NUGGC: variants seen among roughly 807,000 people sequenced by gnomAD.
NUGGC encodes the protein nuclear GTPase SLIP-GC.
In NUGGC, 58 loss-of-function variants were observed where a neutral mutation model predicts 92.6. That is an observed-to-expected ratio of 0.63 (90% CI 0.51 to 0.78). The LOEUF (loss-of-function observed/expected upper bound fraction) is 0.78, where lower values mean the gene tolerates loss of function less well. NUGGC is among the 30% of genes least tolerant of loss of function. The probability of loss-of-function intolerance (pLI) is 0.00; values close to 1 mark genes in which losing one functional copy is unlikely to be tolerated. For synonymous variants in NUGGC, 376 were observed against 366.4 expected (o/e 1.03, Z -0.30); for missense variants, 925 against 964.6 (o/e 0.96, Z 0.54).
intron 12 of NUGGC, among the ~76,000 whole-genome samples, chr8:28,043,882 G>A (rs189802338): frequency 7.2e-4 from 110 of 152,214 alleles, no homozygotes; most frequent in Admixed American, 7.2e-4. Flanking sequence ...CGATTTCAGC[G>A]GACAAAGTCA....
At chr8:28,061,667 G>A (rs1045833129) in intron 7 of NUGGC, among the ~76,000 whole-genome samples, 1 of 152,154 alleles carries the variant, frequency 6.6e-6, no homozygotes, top group Non-Finnish European at 1.5e-5. Flanking sequence ...GTACAATCGG[G>A]GCTAATGATG....
chr8:28,083,658 G>A (rs1240503091), intron 1 of NUGGC, 117 bp downstream of exon 1: 1 of 152,108 alleles, frequency 6.6e-6, no homozygotes, highest in Non-Finnish European at 1.5e-5. Flanking sequence ...ACATGGGAAT[G>A]CTCTAAACTA....
At chr8:28,077,222 G>A (rs1810744043) in intron 1 of NUGGC, among the ~76,000 whole-genome samples, 2 of 152,136 alleles carry the variant, frequency 1.3e-5, no homozygotes, top group African/African-American at 4.8e-5. Context: ...AAAAAAAAAG[G>A]TAGATGGGCT....
At position 28,031,274 on chromosome 8, in the gene NUGGC, T is replaced by C. The variant is rs762381336; in HGVS notation, c.1877A>G (p.Asp626Gly). Reference protein sequence around the residue: ...EIGIRSGWKYDSCKKNFLIQE... With the variant: ...EIGIRSGWKYGSCKKNFLIQE... ...GATCAGGAAATTTTTTTTGCAGCTA[T>C]CATATTTCCAGCCACTTCTTATCCC... The change falls in exon 15 of 19, where the codon GAT becomes GGT. Residue 626 changes from aspartate to glycine, a missense_variant. Transcript: ENST00000413272. The C allele has an allele frequency of 6.2e-7, 1 of 1,614,020 alleles. No homozygotes were observed. Among genetic ancestry groups the C allele is most frequent in the South Asian group, 1.1e-5 (1 of 91,088 alleles).
intron 1 of NUGGC, among the ~76,000 whole-genome samples, chr8:28,076,825 C>T (rs972157322): frequency 1.3e-5 from 2 of 152,122 alleles, no homozygotes; most frequent in African/African-American, 2.4e-5. Flanking sequence ...ATAAAAGAGA[C>T]ATCCTGCATA....
intron 2 of NUGGC, among the ~76,000 whole-genome samples, chr8:28,071,032 T>C (rs1810578994): frequency 6.6e-6 from 1 of 152,044 alleles, no homozygotes; most frequent in Admixed American, 6.6e-5. Context: ...TCCAGCTCTG[T>C]CTGCCCATAA....
At chr8:28,024,724 C>T (rs912846657) in intron 18 of NUGGC, among the ~76,000 whole-genome samples, 9 of 152,280 alleles carry the variant, frequency 5.9e-5, no homozygotes, top group South Asian at 2.1e-4. Flanking sequence ...AGTTAGGACC[C>T]GGAGTCTTTT....
At chr8:28,081,738 C>T (rs1278139074) in intron 1 of NUGGC, among the ~76,000 whole-genome samples, 4 of 152,016 alleles carry the variant, frequency 2.6e-5, no homozygotes, top group South Asian at 2.1e-4. Context: ...ATTAGCCAGC[C>T]GTTGTGGCAC....
chr8:28,060,115 G>A (rs1810259279), intron 8 of NUGGC, among the ~76,000 whole-genome samples: 1 of 152,086 alleles, frequency 6.6e-6, no homozygotes, highest in Non-Finnish European at 1.5e-5. Flanking sequence ...GGAGCAGGTG[G>A]GATCATCACA....
In NUGGC at chr8:28,036,600, A is replaced by G. The variant is rs1809560075; in HGVS notation, c.1612-2903T>C. ...CAAAGGATAAGCTCCTCCCTCCCAAATCTTCTTAGATCTTCTTTAAATTGA... is the reference window on the plus strand; with the variant it reads ...CAAAGGATAAGCTCCTCCCTCCCAAGTCTTCTTAGATCTTCTTTAAATTGA... On this transcript the variant is annotated intron_variant, in intron 13 of 18. Transcript: ENST00000413272. 2.0e-5 allele frequency among the ~76,000 whole-genome samples: 3 copies of G among 152,096 alleles called. No homozygotes were observed. The South Asian group carries it at 6.2e-4, about 32-fold the overall frequency.
rs189854804 is a variant in NUGGC, at chr8:28,046,407, C to T, written c.1313-747G>A. ...GAGAATGCAGTCCTGACCCTGCCTG[C>T]CCACCCACTTTCCACTGAGTATCTA... On this transcript the variant is annotated intron_variant, in intron 11 of 18. Coordinates refer to ENST00000413272, the MANE Select transcript of NUGGC (RefSeq NM_001010906.2). Among the ~76,000 whole-genome samples, 27 of 152,294 alleles carry T rather than the reference C, an allele frequency of 1.8e-4. 1 individual carries two copies. The highest frequency in any genetic ancestry group is 1.5e-4 in the Non-Finnish European group (10 of 68,028).
chr8:28,031,501 T>C (rs1809417508), intron 14 of NUGGC, 120 bp from the exon 15 acceptor site: 8 of 970,532 alleles, frequency 8.2e-6, no homozygotes, highest in Non-Finnish European at 1.2e-5. Context: ...AATCTAACAG[T>C]TATCAAATCC....
intron 1 of NUGGC, among the ~76,000 whole-genome samples, chr8:28,076,615 T>G (rs770094485): frequency 6.6e-6 from 1 of 152,094 alleles, no homozygotes; most frequent in Admixed American, 6.6e-5. Flanking sequence ...ATTTTTGGTA[T>G]GTTAGAGTCC....
intron 17 of NUGGC, among the ~76,000 whole-genome samples, chr8:28,027,838 C>T (rs1809308007): frequency 6.6e-6 from 1 of 152,164 alleles, no homozygotes. Context: ...GGAGTCACCT[C>T]ACGCTAGAGT....
chr8:28,026,439 C>T (rs151337228), intron 18 of NUGGC, among the ~76,000 whole-genome samples: 4 of 152,282 alleles, frequency 2.6e-5, no homozygotes, highest in East Asian at 3.9e-4. Flanking sequence ...CAGCTGGGGC[C>T]GCATCCCCAG....
chr8:28,065,109 G>A (rs1253257558), intron 6 of NUGGC, among the ~76,000 whole-genome samples: 1 of 149,390 alleles, frequency 6.7e-6, no homozygotes, highest in Non-Finnish European at 1.5e-5. Context: ...ACAGTGATAT[G>A]GTAACCATAT....
At chr8:28,043,286 T>C (rs11136026) in intron 12 of NUGGC, among the ~76,000 whole-genome samples, 74,738 of 151,962 alleles carry the variant, frequency 0.49, 18,589 homozygotes, top group East Asian at 0.63. Flanking sequence ...AAACGCAGAC[T>C]TCATTTGACA....
At position 28,068,304 on chromosome 8, in the gene NUGGC, C is replaced by A; in HGVS notation, c.392G>T (p.Gly131Val). 1 of 1,553,970 alleles carries A rather than the reference C, an allele frequency of 6.4e-7. No individual in the cohort carries two copies. Residue 131 changes from glycine to valine, a missense_variant, in exon 5 of 19, where the codon GGA (glycine) becomes GTA (valine). Gly to Val is a moderately radical substitution (Grantham distance 109). Transcript: ENST00000413272. ...IQQAMFLPVS[G>V]ESICTSCIVQ... ...AATGCAGGAAGTACATATGCTTTCT[C>A]CAGACACTGGTAGAAACATTGCTTG...
intron 13 of NUGGC, among the ~76,000 whole-genome samples, chr8:28,039,393 G>A (rs1315742309): frequency 3.9e-5 from 6 of 151,948 alleles, no homozygotes; most frequent in South Asian, 2.1e-4. Flanking sequence ...CACCACACCC[G>A]ACTAGTTTTT....
Sources: gnomAD v4.1 joint callset for allele counts (sites outside exome capture counted in the v4.1 genomes callset) on GRCh38, gnomAD v4.1.1 for gene constraint, MANE v1.5 for transcripts, NCBI Gene and HGNC (gene_info 2026-07-23, HGNC 2026-07-21) for gene names.